The following SSC5D variants were observed in gnomAD, a reference collection of about 807,000 sequenced individuals.
The protein encoded by SSC5D is soluble scavenger receptor cysteine-rich domain-containing protein SSC5D.
In SSC5D, 106 loss-of-function variants were observed where a neutral mutation model predicts 104.6. The ratio of observed to expected loss-of-function variants is 1.01; its 90% CI spans 0.87 to 1.19. SSC5D has a LOEUF of 1.19. Among genes scored for constraint, SSC5D ranks in the 50% most tolerant of loss-of-function variants. The probability of loss-of-function intolerance (pLI) is 0.00; values close to 1 mark genes in which losing one functional copy is unlikely to be tolerated. For missense variants in SSC5D, 1,993 were observed against 2,153.8 expected (o/e 0.93, Z 1.48); for synonymous variants, 860 against 883.5 (o/e 0.97, Z 0.47).
At chr19:55,493,502 G>A in intron 6 of SSC5D, 93 bp from the exon 7 acceptor site, 1 of 1,115,754 alleles carries the variant, frequency 9.0e-7, no homozygotes, top group Non-Finnish European at 1.2e-6. Context: ...GCTTCCCAGA[G>A]TCATCTTGGG....
intron 8 of SSC5D, among the ~76,000 whole-genome samples, chr19:55,495,197 G>C (rs1355453506): frequency 9.0e-6 from 1 of 110,522 alleles, no homozygotes; most frequent in Admixed American, 1.1e-4. Context: ...TGTGATCAAT[G>C]GTTCTGCCTG....
chr19:55,495,233 A>ATATATATATATAT (rs1555765051), intron 8 of SSC5D, among the ~76,000 whole-genome samples: 4 of 50,666 alleles, frequency 7.9e-5, no homozygotes, highest in African/African-American at 2.0e-4. Flanking sequence ...ATATATATAT[A>ATATATATATATAT]TTTTTTTTTT....
rs965044987 is a variant in SSC5D at position 55,494,664 on chromosome 19, C to T, written c.1268C>T (p.Thr423Met). 11 of 1,549,866 alleles carry T rather than the reference C, an allele frequency of 7.1e-6. No individual in the cohort carries two copies. The highest frequency in any genetic ancestry group is 1.7e-4 in the Middle Eastern group (1 of 5,998). The change falls in exon 8 of 14, where the codon ACG becomes ATG. Residue 423 changes from threonine to methionine, a missense_variant. Around this residue, in one of 6 missense-constraint regions of SSC5D, gnomAD observed 1,101 missense variants for 1,085.0 expected, o/e 1.01. Transcript: ENST00000389623. ...GCCCCCACGGACAGCAACAACTCCACGCCCAGGGAGGCTGCCTCCAGGCCC... is the reference window on the plus strand; with the variant it reads ...GCCCCCACGGACAGCAACAACTCCATGCCCAGGGAGGCTGCCTCCAGGCCC... ...PTAPTDSNNS[T>M]PREAASRPPS...
chr19:55,504,073 G>A (rs1237433710), intron 12 of SSC5D: 7 of 1,521,622 alleles, frequency 4.6e-6, no homozygotes, highest in Non-Finnish European at 5.3e-6. Flanking sequence ...CTTGGGGGTG[G>A]GTGGGCTCCA....
intron 6 of SSC5D, chr19:55,492,965 G>C (rs1286494630): frequency 6.6e-6 from 1 of 152,208 alleles, no homozygotes; most frequent in Non-Finnish European, 1.5e-5. Context: ...AGGAGGTCGA[G>C]ACTGCAGTGA....
intron 7 of SSC5D, 82 bp downstream of exon 7, chr19:55,493,994 G>GGGGTC: frequency 3.5e-5 from 5 of 143,314 alleles, no homozygotes; most frequent in South Asian, 1.6e-4. Context: ...GGGCGGGGGG[G>GGGGTC]TCCCTACGCG....
At position 55,489,353 on chromosome 19, in the gene SSC5D, G is replaced by T; in HGVS notation, c.53-1G>T. The T allele has an allele frequency of 6.9e-7, 1 of 1,444,032 alleles. No individual in the cohort carries two copies. 89.5% of individuals were successfully genotyped at this position (1,444,032 alleles called of 1,614,324 possible). ...GTCACAGCCATTCCTCCAACCCTCA[G>T]AGCGCCTGCGCCTGGCCGATGGCCC... On this transcript the variant is annotated splice_acceptor_variant, in intron 2 of 13. Coordinates refer to ENST00000389623, the MANE Select transcript of SSC5D (RefSeq NM_001144950.2). LOFTEE classifies it high-confidence loss of function.
intron 12 of SSC5D, among the ~76,000 whole-genome samples, chr19:55,509,019 G>C (rs1342333662): frequency 1.3e-5 from 2 of 152,166 alleles, no homozygotes; most frequent in African/African-American, 4.8e-5. Flanking sequence ...ATGAATAAAG[G>C]CTTGCCAGGG....
At chr19:55,505,342 G>C (rs575795374) in intron 12 of SSC5D, among the ~76,000 whole-genome samples, 10 of 151,828 alleles carry the variant, frequency 6.6e-5, no homozygotes, top group African/African-American at 2.4e-4. Flanking sequence ...GCAAAGGGTG[G>C]GAGAAATTTG....
intron 12 of SSC5D, among the ~76,000 whole-genome samples, chr19:55,506,615 C>T (rs916134834): frequency 6.6e-6 from 1 of 151,658 alleles, no homozygotes; most frequent in Non-Finnish European, 1.5e-5. Context: ...AGGATGGTCT[C>T]GATCTCCTGA....
rs142097230 is a variant in SSC5D, at chr19:55,489,442, C to T, written c.141C>T (p.Asp47=). The change falls in exon 3 of 14, where the codon GAC becomes GAT. Residue 47 remains aspartate (D), a synonymous_variant. Coordinates refer to ENST00000389623, the MANE Select transcript of SSC5D (RefSeq NM_001144950.2). ...GGCGCTGGGGCACCGTGTGTGATGA[C>T]GGCTGGGACCTGCGCGATGCCGCCG... is the stretch of plus-strand genomic sequence containing the variant. ...HGGRWGTVCD[D]GWDLRDAAVA... The T allele has an allele frequency of 0.018, 27,425 of 1,486,690 alleles. 299 individuals are homozygous for T. The highest frequency in any genetic ancestry group is 0.021 in the Non-Finnish European group (23,702 of 1,126,066). 92.1% of individuals were successfully genotyped at this position (1,486,690 alleles called of 1,614,324 possible).
Position 55,518,552 on chromosome 19 carries a change from C to A in SSC5D, c.4276C>A (p.His1426Asn). 6.5e-7 allele frequency: 1 copy of A among 1,547,616 alleles called. No individual in the cohort carries two copies. Among genetic ancestry groups the A allele is most frequent in the Non-Finnish European group, 8.7e-7 (1 of 1,145,816 alleles). Residue 1426 changes from histidine to asparagine, a missense_variant, in exon 14 of 14, where the codon CAT becomes AAT. Physicochemically the swap from His to Asn is moderately conservative, Grantham distance 68. Coordinates refer to ENST00000389623, the MANE Select transcript of SSC5D (RefSeq NM_001144950.2). ...CCCCAACCTAACCCCTCCACCCACC[C>A]ATACCCCACACTCAGCCTCTGACCT... ...QSPNLTPPPTHTPHSASDLTV... is the reference protein window; with the variant it reads ...QSPNLTPPPTNTPHSASDLTV...
At chr19:55,506,017 G>C (rs947531062) in intron 12 of SSC5D, among the ~76,000 whole-genome samples, 3 of 151,878 alleles carry the variant, frequency 2.0e-5, no homozygotes, top group East Asian at 3.8e-4. Context: ...GATTACAGGC[G>C]TGAGCCACGG....
intron 13 of SSC5D, among the ~76,000 whole-genome samples, chr19:55,514,447 ATAATAATAATAG>A: frequency 1.4e-5 from 1 of 72,368 alleles, no homozygotes; most frequent in Non-Finnish European, 2.5e-5. Context: ...AATAATAATA[ATAATAATAATAG>A]GTGTGGTGGC....
At chr19:55,495,674 G>A (rs11880817) in intron 8 of SSC5D, among the ~76,000 whole-genome samples, 6,632 of 151,794 alleles carry the variant, frequency 0.044, 225 homozygotes, top group African/African-American at 0.096. Flanking sequence ...CGTGCCACAC[G>A]GGGCCACACA....
At chr19:55,502,558 TC>T (rs1987533790) in intron 12 of SSC5D, among the ~76,000 whole-genome samples, 1 of 152,170 alleles carries the variant, frequency 6.6e-6, no homozygotes. Context: ...ACCTAGTTTT[TC>T]CTGGTCAATT....
rs1568486689 is a variant in SSC5D at position 55,518,546 on chromosome 19, C to T, written c.4270C>T (p.Pro1424Ser). Reference sequence around the variant, plus strand: ...CCAGAGCCCCAACCTAACCCCTCCACCCACCCATACCCCACACTCAGCCTC... The same window carrying T: ...CCAGAGCCCCAACCTAACCCCTCCATCCACCCATACCCCACACTCAGCCTC... Reference protein sequence around the residue: ...RSQSPNLTPPPTHTPHSASDL... With the variant: ...RSQSPNLTPPSTHTPHSASDL... Residue 1424 changes from proline to serine, a missense_variant, in exon 14 of 14, where the codon CCC becomes TCC. Transcript: ENST00000389623. 2.6e-6 allele frequency: 4 copies of T among 1,549,090 alleles called. No homozygotes were observed.
At position 55,500,179 on chromosome 19, in the gene SSC5D, A is replaced by C. The variant is rs1987443028; in HGVS notation, c.2069A>C (p.Gln690Pro). 6.4e-7 allele frequency: 1 copy of C among 1,551,150 alleles called. No homozygotes were observed. The highest frequency in any genetic ancestry group is 8.7e-7 in the Non-Finnish European group (1 of 1,146,820). The change falls in exon 10 of 14, where the codon CAG becomes CCG. Residue 690 changes from glutamine to proline, a missense_variant. Physicochemically the swap from Gln to Pro is moderately conservative, Grantham distance 76. This residue lies in a region of SSC5D where 1,101 missense variants were observed against 1,085.0 expected (regional missense o/e 1.01). Coordinates refer to ENST00000389623, the MANE Select transcript of SSC5D (RefSeq NM_001144950.2). This position sits in a 1 kb window ranked among gnomAD's most constrained non-coding sequence, Gnocchi z 4.6. ...FTRRPTTEAP[Q>P]RWTSHTTATL... ...AGAAGGCCGACCACGGAGGCCCCCC[A>C]GAGATGGACCTCTCACACCACTGCC...
chr19:55,496,153 C>CA lies in SSC5D; in HGVS notation c.1387+1371dup, dbSNP rs559496449. 1.1e-4 allele frequency among the ~76,000 whole-genome samples: 16 copies of CA among 152,136 alleles called. No homozygotes were observed. In the East Asian group the frequency reaches 2.3e-3, roughly 22 times the overall value. ...GGGGCCGGTGGGGAGGGTGGCGACTCAGAGGGTTGTCCTTAGTCATCTGGT... is the reference window on the plus strand; with the variant it reads ...GGGGCCGGTGGGGAGGGTGGCGACTCAAGAGGGTTGTCCTTAGTCATCTGGT... On this transcript the variant is annotated intron_variant, in intron 8 of 13. Transcript: ENST00000389623.
Sources: gnomAD v4.1 joint callset for allele counts (sites outside exome capture counted in the v4.1 genomes callset) on GRCh38, gnomAD v4.1.1 for gene constraint, gnomAD v4.1.1 regional missense constraint, Gnocchi (gnomAD v3.1) non-coding constraint, MANE v1.5 for transcripts, NCBI Gene and HGNC (gene_info 2026-07-23, HGNC 2026-07-21) for gene names.